Variants in KLHL32 observed in about 807,000 individuals in gnomAD.
KLHL32 encodes the protein kelch like family member 32.
In KLHL32, 35 loss-of-function variants were observed where a neutral mutation model predicts 64.8. That is an observed-to-expected ratio of 0.54 (90% CI 0.41 to 0.72). KLHL32 has a LOEUF of 0.72. KLHL32 is among the 30% of genes least tolerant of loss of function. The pLI is 0.00. For synonymous variants in KLHL32, 259 were observed against 281.0 expected, an observed-to-expected ratio of 0.92 and a Z score of 0.78; for missense variants, 589 against 768.5, an observed-to-expected ratio of 0.77 and a Z score of 2.76.
chr6:96,923,017 CATT>C (rs1024656885), upstream of KLHL32, among the ~76,000 whole-genome samples: 4 of 152,164 alleles, frequency 2.6e-5, no homozygotes, highest in African/African-American at 9.7e-5. Context: ...ATGTGGCAGA[CATT>C]GTGCTAGGGC....
rs988295191 is a variant in KLHL32 at position 97,081,615 on chromosome 6, G to C, written c.412-3511G>C. Among the ~76,000 whole-genome samples the C allele has an allele frequency of 5.9e-5, 9 of 152,172 alleles. No homozygotes were observed. In the South Asian group the frequency reaches 6.2e-4, roughly 11 times the overall value. On this transcript the variant is annotated intron_variant, in intron 5 of 10. Coordinates refer to ENST00000369261, the MANE Select transcript of KLHL32 (RefSeq NM_052904.4). ...CAGCATCAAACGGCTTCTCAGGGAA[G>C]CCTTTACTAACTTTCCACTCCAAGT...
chr6:96,985,937 G>A (rs375588669), intron 3 of KLHL32, among the ~76,000 whole-genome samples: 9 of 152,162 alleles, frequency 5.9e-5, no homozygotes, highest in African/African-American at 1.9e-4. Context: ...CTTTGGAGGA[G>A]GAGAGGTGCT....
intron 1 of KLHL32, among the ~76,000 whole-genome samples, chr6:96,952,923 C>T (rs1409151667): frequency 6.6e-6 from 1 of 152,214 alleles, no homozygotes; most frequent in East Asian, 1.9e-4. Context: ...TGTCCCAGCA[C>T]ATAAGGATTG....
Position 97,139,301 on chromosome 6 carries a change from A to G in KLHL32, c.*19A>G. ...CATCTGAAAAGCCAAGCCATCATGAACAGGAGGAAAACATAGCTCTGACTG... is the reference window on the plus strand; with the variant it reads ...CATCTGAAAAGCCAAGCCATCATGAGCAGGAGGAAAACATAGCTCTGACTG... On this transcript the variant is annotated 3_prime_UTR_variant, in exon 11 of 11. Transcript: ENST00000369261. 6.2e-7 allele frequency: 1 copy of G among 1,605,582 alleles called. No homozygotes were observed. The highest frequency in any genetic ancestry group is 1.7e-4 in the Middle Eastern group (1 of 6,026).
chr6:96,909,476 G>A, the KLHL32 span, among the ~76,000 whole-genome samples: 1 of 152,178 alleles, frequency 6.6e-6, no homozygotes, highest in Non-Finnish European at 1.5e-5. Flanking sequence ...GTTTTAGGAA[G>A]AGCAAATATA....
chr6:97,137,899 C>T (rs1800219471), intron 10 of KLHL32, among the ~76,000 whole-genome samples: 1 of 152,092 alleles, frequency 6.6e-6, no homozygotes, highest in African/African-American at 2.4e-5. Flanking sequence ...TGGACTAGAT[C>T]ATTAAAGACG....
At chr6:97,019,776 T>A (rs550643218) in intron 3 of KLHL32, among the ~76,000 whole-genome samples, 24 of 151,250 alleles carry the variant, frequency 1.6e-4, no homozygotes, top group East Asian at 3.9e-4. Flanking sequence ...AGCAAAAAAA[T>A]TTTTATACTA....
chr6:97,009,434 C>T (rs1331542608), intron 3 of KLHL32, among the ~76,000 whole-genome samples: 1 of 152,156 alleles, frequency 6.6e-6, no homozygotes, highest in African/African-American at 2.4e-5. Context: ...ACTCTCTTCA[C>T]TATCGACACT....
intron 1 of KLHL32, among the ~76,000 whole-genome samples, chr6:96,959,825 A>G (rs1582483518): frequency 6.6e-6 from 1 of 152,068 alleles, no homozygotes; most frequent in East Asian, 1.9e-4. Context: ...TTATGGTCCT[A>G]TTTTTCACTT....
intron 3 of KLHL32, among the ~76,000 whole-genome samples, chr6:97,025,698 A>G (rs1782625389): frequency 1.3e-5 from 2 of 152,180 alleles, no homozygotes. Context: ...CTGAGTAGGC[A>G]CAGAAGAATG....
At chr6:97,118,880 G>T (rs1798085552) in intron 7 of KLHL32, among the ~76,000 whole-genome samples, 1 of 152,154 alleles carries the variant, frequency 6.6e-6, no homozygotes, top group Non-Finnish European at 1.5e-5. Flanking sequence ...GACAGCAGAA[G>T]TCTTTCCAAG....
rs938766484 is a variant in KLHL32, at chr6:97,014,669, T to C, written c.205-26823T>C. Reference sequence around the variant, plus strand: ...CCATGCAACAGTTCTCTGAGGCAGGTATCTTCATTTTGTGTTCATGAAAAC... The same window carrying C: ...CCATGCAACAGTTCTCTGAGGCAGGCATCTTCATTTTGTGTTCATGAAAAC... On this transcript the variant is annotated intron_variant, in intron 3 of 10. Coordinates refer to ENST00000369261, the MANE Select transcript of KLHL32 (RefSeq NM_052904.4). Among the ~76,000 whole-genome samples the C allele has an allele frequency of 3.9e-5, 6 of 152,200 alleles. No individual in the cohort carries two copies. The South Asian group carries it at 1.0e-3, about 26-fold the overall frequency.
At chr6:97,002,550 G>T (rs1269733047) in intron 3 of KLHL32, among the ~76,000 whole-genome samples, 1 of 152,126 alleles carries the variant, frequency 6.6e-6, no homozygotes, top group African/African-American at 2.4e-5. Flanking sequence ...ATAGGAGTTT[G>T]GTGTACAGAT....
At chr6:97,040,330 A>G (rs1784933509) in intron 3 of KLHL32, among the ~76,000 whole-genome samples, 1 of 152,048 alleles carries the variant, frequency 6.6e-6, no homozygotes, top group Non-Finnish European at 1.5e-5. Flanking sequence ...TCCTTTTAAA[A>G]TGCATTTGTT....
In KLHL32 at chr6:97,082,097, G is replaced by A. The variant is rs577403221; in HGVS notation, c.412-3029G>A. Among the ~76,000 whole-genome samples, 17 of 152,370 alleles carry A rather than the reference G, an allele frequency of 1.1e-4. No individual in the cohort carries two copies. The South Asian group carries it at 3.3e-3, about 30-fold the overall frequency. On this transcript the variant is annotated intron_variant, in intron 5 of 10. Coordinates refer to ENST00000369261, the MANE Select transcript of KLHL32 (RefSeq NM_052904.4). ...GAAAAGAGAGGATTGAGAGTTTGCT[G>A]CTGGAGGCAGGAATGGTAATTTAGG...
At chr6:97,095,742 A>G (rs532094523) in intron 6 of KLHL32, among the ~76,000 whole-genome samples, 3 of 152,214 alleles carry the variant, frequency 2.0e-5, no homozygotes, top group Non-Finnish European at 4.4e-5. Context: ...GGAGCACACA[A>G]GAAGTAAAGT....
At chr6:96,919,330 T>C in the KLHL32 span, among the ~76,000 whole-genome samples, 1 of 152,190 alleles carries the variant, frequency 6.6e-6, no homozygotes, top group Non-Finnish European at 1.5e-5. Context: ...GATTTAAAAG[T>C]ATTGTGACTC....
chr6:96,926,213 A>G (rs977804515), intron 1 of KLHL32, among the ~76,000 whole-genome samples: 2 of 152,180 alleles, frequency 1.3e-5, no homozygotes, highest in African/African-American at 4.8e-5. Flanking sequence ...TTCCTTGGAT[A>G]TTTGTTCATC....
chr6:97,129,141 C>T (rs1312324343), intron 8 of KLHL32, among the ~76,000 whole-genome samples: 1 of 152,172 alleles, frequency 6.6e-6, no homozygotes, highest in Admixed American at 6.6e-5. Flanking sequence ...CAAATCACTT[C>T]TTTTCTTGAG....
Sources: gnomAD v4.1 joint callset for allele counts (sites outside exome capture counted in the v4.1 genomes callset) on GRCh38, gnomAD v4.1.1 for gene constraint, MANE v1.5 for transcripts, NCBI Gene and HGNC (gene_info 2026-07-23, HGNC 2026-07-21) for gene names.